Variants in JARID2 observed in about 807,000 individuals in gnomAD.
JARID2 encodes protein Jumonji.
JARID2 carries 21 observed loss-of-function variants against 125.6 expected under a neutral mutation model. The observed-to-expected ratio is 0.17, with a 90% CI of 0.12 to 0.24. JARID2 has a LOEUF of 0.24. JARID2 is among the 10% of genes least tolerant of loss of function. JARID2 has a pLI of 1.00. For missense variants in JARID2, 1,303 were observed against 1,639.6 expected, an observed-to-expected ratio of 0.79 and a Z score of 3.55; for synonymous variants, 736 against 661.6, an observed-to-expected ratio of 1.11 and a Z score of -1.73.
chr6:15,260,996 T>C (rs1400817879), intron 1 of JARID2, among the ~76,000 whole-genome samples: 1 of 152,232 alleles, frequency 6.6e-6, no homozygotes, highest in African/African-American at 2.4e-5. Context: ...CTTTCCAGAA[T>C]TTATTGGAGC....
At chr6:15,466,136 G>A (rs1159717438) in intron 4 of JARID2, among the ~76,000 whole-genome samples, 2 of 152,152 alleles carry the variant, frequency 1.3e-5, no homozygotes, top group Non-Finnish European at 1.5e-5. Flanking sequence ...CTCTCACATG[G>A]CCTCATTTGT....
intron 2 of JARID2, among the ~76,000 whole-genome samples, chr6:15,392,754 C>T (rs577339054): frequency 1.4e-5 from 2 of 143,186 alleles, no homozygotes; most frequent in South Asian, 2.2e-4. Flanking sequence ...GTGCGGTCTT[C>T]GCTCATTGTA....
rs10712805 is a variant in JARID2 at position 15,247,423 on chromosome 6, C to CTT, written c.45+852_45+853dup. 1.1e-4 allele frequency: 93 copies of CTT among 880,018 alleles called. No homozygotes were observed. The African/African-American group carries it at 1.6e-3, about 15-fold the overall frequency. The allele number at this position is 880,018 out of a possible 1,614,324, so 54.5% of individuals were successfully genotyped here. ...AGTGTTTTTGTTTTGTGTGTGGTGG[C>CTT]TTTTTTTTTTTTTTAAGTTTGAGGG... On this transcript the variant is annotated intron_variant, in intron 1 of 17. Coordinates refer to ENST00000341776, the MANE Select transcript of JARID2 (RefSeq NM_004973.4).
At chr6:15,341,253 C>T (rs1763061380) in intron 1 of JARID2, among the ~76,000 whole-genome samples, 1 of 152,192 alleles carries the variant, frequency 6.6e-6, no homozygotes, top group East Asian at 1.9e-4. Flanking sequence ...CATGTACCTA[C>T]TGTTTACATA....
chr6:15,308,019 A>G (rs1277181551), intron 1 of JARID2, among the ~76,000 whole-genome samples: 1 of 152,198 alleles, frequency 6.6e-6, no homozygotes, highest in Non-Finnish European at 1.5e-5. Flanking sequence ...TCGAGTTTCC[A>G]TTCTAATCTT....
chr6:15,261,037 A>G (rs570527360), intron 1 of JARID2, among the ~76,000 whole-genome samples: 1 of 152,320 alleles, frequency 6.6e-6, no homozygotes, highest in African/African-American at 2.4e-5. Context: ...GAGTATAAAT[A>G]ATGATGATTA....
chr6:15,421,295 A>G (rs1266760040), intron 3 of JARID2, among the ~76,000 whole-genome samples: 1 of 152,156 alleles, frequency 6.6e-6, no homozygotes, highest in African/African-American at 2.4e-5. Flanking sequence ...TAGCTTCACT[A>G]AAAGCGGAAG....
chr6:15,508,632 T>C lies in JARID2; in HGVS notation c.2846+178T>C, dbSNP rs145591042. 8.7e-4 allele frequency among the ~76,000 whole-genome samples: 132 copies of C among 152,370 alleles called. 3 individuals carry two copies. In the East Asian group the frequency reaches 0.018, roughly 21 times the overall value. On this transcript the variant is annotated intron_variant, in intron 12 of 17. Coordinates refer to ENST00000341776, the MANE Select transcript of JARID2 (RefSeq NM_004973.4). Reference sequence around the variant, plus strand: ...GCCTGGGCCTGGGATCACCTACCTCTGTTGGAAGAGTTGGGGTGCTGGAGA... The same window carrying C: ...GCCTGGGCCTGGGATCACCTACCTCCGTTGGAAGAGTTGGGGTGCTGGAGA...
chr6:15,252,159 A>G (rs1207853443), intron 1 of JARID2, among the ~76,000 whole-genome samples: 1 of 152,248 alleles, frequency 6.6e-6, no homozygotes, highest in Non-Finnish European at 1.5e-5. Flanking sequence ...AGTTATGCCC[A>G]GACTTCCCCA....
At chr6:15,393,682 G>T (rs1470351262) in intron 2 of JARID2, among the ~76,000 whole-genome samples, 1 of 152,132 alleles carries the variant, frequency 6.6e-6, no homozygotes, top group Non-Finnish European at 1.5e-5. Flanking sequence ...AAGCTTTTAA[G>T]GAAAATGCCA....
intron 1 of JARID2, among the ~76,000 whole-genome samples, chr6:15,358,128 A>G (rs1763669858): frequency 6.6e-6 from 1 of 152,128 alleles, no homozygotes; most frequent in Non-Finnish European, 1.5e-5. Flanking sequence ...GTTTTCTTTG[A>G]GGTCAGGGCT....
At chr6:15,260,587 A>T (rs555122831) in intron 1 of JARID2, among the ~76,000 whole-genome samples, 25 of 152,332 alleles carry the variant, frequency 1.6e-4, no homozygotes, top group African/African-American at 5.5e-4. Context: ...AAACACCATC[A>T]ATTAGTTCTG....
rs965415103 is a variant in JARID2, at chr6:15,286,712, A to T, written c.45+40128A>T. ...CGTCTCTAATAAAAATACAAAAAAA[A>T]TTAGCTGGGTGTGGTGGCAGGCGCC... On this transcript the variant is annotated intron_variant, in intron 1 of 17. Coordinates refer to ENST00000341776, the MANE Select transcript of JARID2 (RefSeq NM_004973.4). Among the ~76,000 whole-genome samples the T allele has an allele frequency of 1.5e-3, 221 of 151,998 alleles. 1 individual carries two copies. The highest frequency in any genetic ancestry group is 2.6e-3 in the Non-Finnish European group (177 of 67,948).
At chr6:15,365,062 T>C (rs1242800573) in intron 1 of JARID2, among the ~76,000 whole-genome samples, 2 of 152,236 alleles carry the variant, frequency 1.3e-5, no homozygotes, top group African/African-American at 4.8e-5. Context: ...AGAATTTCTT[T>C]GTAAATAAAT....
chr6:15,488,969 G>A (rs1770015323), intron 6 of JARID2, among the ~76,000 whole-genome samples: 1 of 152,178 alleles, frequency 6.6e-6, no homozygotes, highest in Non-Finnish European at 1.5e-5. Context: ...GCCCAGGGAG[G>A]CACCGAGCTT....
intron 3 of JARID2, among the ~76,000 whole-genome samples, chr6:15,416,580 C>T (rs1384026051): frequency 6.6e-6 from 1 of 152,034 alleles, no homozygotes; most frequent in African/African-American, 2.4e-5. Flanking sequence ...GGCAGGCACT[C>T]GGCAGGCTGA....
At chr6:15,377,341 C>T (rs947762922) in intron 2 of JARID2, among the ~76,000 whole-genome samples, 4 of 152,236 alleles carry the variant, frequency 2.6e-5, no homozygotes, top group East Asian at 1.9e-4. Flanking sequence ...AAGAATAGCA[C>T]GGGAAAGGCC....
chr6:15,455,645 C>T (rs1768129619), intron 4 of JARID2, among the ~76,000 whole-genome samples: 1 of 152,180 alleles, frequency 6.6e-6, no homozygotes, highest in Non-Finnish European at 1.5e-5. Context: ...GATTCTCCTG[C>T]CTCAGCCTCC....
At position 15,285,106 on chromosome 6, in the gene JARID2, G is replaced by GTTTTTTT. The variant is rs199945772; in HGVS notation, c.45+38537_45+38543dup. Among the ~76,000 whole-genome samples the GTTTTTTT allele has an allele frequency of 8.9e-4, 106 of 119,452 alleles. 3 individuals are homozygous for GTTTTTTT. The highest frequency in any genetic ancestry group is 3.4e-3 in the African/African-American group (104 of 30,414). 78.4% of individuals were successfully genotyped at this position (119,452 alleles called of 152,430 possible). On this transcript the variant is annotated intron_variant, in intron 1 of 17. Coordinates refer to ENST00000341776, the MANE Select transcript of JARID2 (RefSeq NM_004973.4). ...TTTGCATTAATGTGAGTCTTTCTGG[G>GTTTTTTT]TTTTTTTTTTTTTTTTTTTTTGAAA...
Sources: gnomAD v4.1 joint callset for allele counts (sites outside exome capture counted in the v4.1 genomes callset) on GRCh38, gnomAD v4.1.1 for gene constraint, MANE v1.5 for transcripts, NCBI Gene and HGNC (gene_info 2026-07-23, HGNC 2026-07-21) for gene names.